Variants in FOXO1 observed in about 807,000 individuals in gnomAD.
The protein encoded by FOXO1 is forkhead box O1, also known as forkhead box protein O1.
FOXO1 carries 6 observed loss-of-function variants against 44.1 expected under a neutral mutation model. The observed-to-expected ratio is 0.14, with a 90% confidence interval of 0.07 to 0.27. The LOEUF is 0.27. FOXO1 is among the 10% of genes least tolerant of loss of function. FOXO1 has a pLI of 1.00. For missense variants in FOXO1, 737 were observed against 888.8 expected (o/e 0.83, Z 2.17); for synonymous variants, 380 against 362.7 (o/e 1.05, Z -0.54).
chr13:40,666,181 T>C lies in FOXO1; in HGVS notation c.32A>G (p.Asp11Gly). The change falls in exon 1 of 3, where the codon GAC becomes GGC. Residue 11 changes from aspartate (D) to glycine (G), a missense_variant. By Grantham distance (94) the Asp-to-Gly change is moderately conservative. Transcript: ENST00000379561. ...CCGGGGCAGCGGCTCGAAGTCCGGG[T>C]CGATCTCCACCACCTGAGGCGCCTC... The part of the protein sequence containing the change: MAEAPQVVEI[D>G]PDFEPLPRPR... The C allele has an allele frequency of 6.9e-7, 1 of 1,450,840 alleles. No homozygotes were observed. Among genetic ancestry groups the C allele is most frequent in the Non-Finnish European group, 9.1e-7 (1 of 1,104,448 alleles). The allele number at this position is 1,450,840 out of a possible 1,614,324, so 89.9% of individuals were successfully genotyped here.
intron 1 of FOXO1, among the ~76,000 whole-genome samples, chr13:40,659,314 C>CAAAAAAAAAAAAAAAA (rs1210028542): frequency 1.1e-5 from 1 of 87,634 alleles, no homozygotes; most frequent in Non-Finnish European, 2.3e-5. Context: ...GACTCCGTCT[C>CAAAAAAAAAAAAAAAA]AAAAAAAAAA....
intron 1 of FOXO1, among the ~76,000 whole-genome samples, chr13:40,570,400 C>T (rs1440694215): frequency 6.6e-6 from 1 of 151,904 alleles, no homozygotes; most frequent in Admixed American, 6.6e-5. Context: ...AAAAGAGGTG[C>T]GTTACAAGTA....
chr13:40,641,218 C>A (rs1019607750), intron 1 of FOXO1, among the ~76,000 whole-genome samples: 1 of 152,074 alleles, frequency 6.6e-6, no homozygotes, highest in Non-Finnish European at 1.5e-5. Flanking sequence ...GTGAAGCCAA[C>A]TAAATAGAGC....
intron 1 of FOXO1, among the ~76,000 whole-genome samples, chr13:40,593,573 G>GT (rs1321058495): frequency 3.9e-5 from 6 of 152,064 alleles, no homozygotes; most frequent in Non-Finnish European, 4.4e-5. Flanking sequence ...ATGGTAAAAT[G>GT]TAAGTAATAC....
At chr13:40,619,627 A>G in intron 1 of FOXO1, 1 of 1,541,368 alleles carries the variant, frequency 6.5e-7, no homozygotes, top group East Asian at 2.3e-5. Flanking sequence ...TCCTGTGGCT[A>G]GGCGAACAAG....
intron 1 of FOXO1, among the ~76,000 whole-genome samples, chr13:40,610,825 C>T (rs1257500865): frequency 2.6e-5 from 4 of 152,192 alleles, no homozygotes; most frequent in Non-Finnish European, 5.9e-5. Context: ...GAATACCCTG[C>T]TTTGCCAGGA....
intron 1 of FOXO1, among the ~76,000 whole-genome samples, chr13:40,659,531 T>C (rs1299237789): frequency 1.3e-5 from 2 of 151,964 alleles, no homozygotes; most frequent in African/African-American, 4.8e-5. Flanking sequence ...ATGTCCTTAT[T>C]AAAGTAATAA....
intron 1 of FOXO1, among the ~76,000 whole-genome samples, chr13:40,620,701 A>C (rs1240910259): frequency 6.6e-6 from 1 of 151,942 alleles, no homozygotes; most frequent in African/African-American, 2.4e-5. Context: ...AAATGAGACC[A>C]CCCAGCCTCA....
chr13:40,585,341 G>GTGCACA (rs1555248744), intron 1 of FOXO1, among the ~76,000 whole-genome samples: 1 of 94,690 alleles, frequency 1.1e-5, no homozygotes, highest in African/African-American at 5.0e-5. Flanking sequence ...CTCTGCGCGC[G>GTGCACA]CGCACACACA....
intron 1 of FOXO1, among the ~76,000 whole-genome samples, chr13:40,577,805 GA>G (rs1407861141): frequency 6.8e-6 from 1 of 146,730 alleles, no homozygotes; most frequent in Non-Finnish European, 1.6e-5. Context: ...ATAACAGAAT[GA>G]AACAGAATGA....
At chr13:40,648,861 A>G (rs1877590359) in intron 1 of FOXO1, among the ~76,000 whole-genome samples, 2 of 152,236 alleles carry the variant, frequency 1.3e-5, no homozygotes, top group South Asian at 2.1e-4. Context: ...CTAAGCCTAC[A>G]TGGATATGCT....
intron 1 of FOXO1, among the ~76,000 whole-genome samples, chr13:40,575,895 C>T (rs1276584652): frequency 1.3e-5 from 2 of 152,164 alleles, no homozygotes; most frequent in East Asian, 1.9e-4. Context: ...CTAGATAAAA[C>T]GGGATGGGAA....
intron 1 of FOXO1, chr13:40,620,241 G>GAGAAA: frequency 6.6e-7 from 1 of 1,521,934 alleles, no homozygotes; most frequent in East Asian, 2.3e-5. Context: ...AAGTGAGAAG[G>GAGAAA]ATCCATCCCG....
chr13:40,663,510 C>CA (rs1301482761), intron 1 of FOXO1, among the ~76,000 whole-genome samples: 1 of 150,252 alleles, frequency 6.7e-6, no homozygotes, highest in Non-Finnish European at 1.5e-5. Flanking sequence ...ACTTTGAATG[C>CA]AAAAAAAGGG....
intron 2 of FOXO1, among the ~76,000 whole-genome samples, 162 bp downstream of exon 2, chr13:40,559,347 A>G (rs1593376792): frequency 6.6e-6 from 1 of 152,350 alleles, no homozygotes; most frequent in Non-Finnish European, 1.5e-5. Context: ...TCAGAAGGAA[A>G]ACTGTAAGCT....
At chr13:40,641,912 G>C (rs1593411603) in intron 1 of FOXO1, among the ~76,000 whole-genome samples, 1 of 152,164 alleles carries the variant, frequency 6.6e-6, no homozygotes, top group Non-Finnish European at 1.5e-5. Flanking sequence ...CTTGAACCTA[G>C]GAGGCAGAGG....
chr13:40,641,048 T>G (rs1405303267), intron 1 of FOXO1, among the ~76,000 whole-genome samples: 1 of 152,154 alleles, frequency 6.6e-6, no homozygotes, highest in Non-Finnish European at 1.5e-5. Context: ...CCCTCCAAAG[T>G]GCTAGGATTA....
At chr13:40,639,088 G>C (rs144920244) in intron 1 of FOXO1, among the ~76,000 whole-genome samples, 268 of 152,260 alleles carry the variant, frequency 1.8e-3, no homozygotes, top group African/African-American at 6.4e-3. Flanking sequence ...CAGCTACTTG[G>C]GAGGCTGAGG....
At chr13:40,618,526 G>A (rs549142232) in intron 1 of FOXO1, among the ~76,000 whole-genome samples, 18 of 152,308 alleles carry the variant, frequency 1.2e-4, no homozygotes, top group African/African-American at 4.1e-4. Context: ...AGGGCAGAGA[G>A]GACAATAATT....
Sources: allele counts gnomAD v4.1 joint callset (sites outside exome capture counted in the v4.1 genomes callset), GRCh38; gene constraint gnomAD v4.1.1; transcripts MANE v1.5; gene names NCBI Gene and HGNC (gene_info 2026-07-23, HGNC 2026-07-21).